TTC29: variants seen among roughly 807,000 people sequenced by gnomAD.
The protein encoded by TTC29 is tetratricopeptide repeat domain 29.
A neutral mutation model predicts 58.1 loss-of-function variants in TTC29; 49 were observed. That is an observed-to-expected ratio of 0.84 (90% CI 0.67 to 1.07). TTC29 has a LOEUF of 1.07. Ranked by LOEUF, TTC29 falls within the 50% of genes least tolerant of loss-of-function variation. The pLI is 0.00. For synonymous variants in TTC29, 209 were observed against 196.8 expected (o/e 1.06, Z -0.52); for missense variants, 582 against 555.6 (o/e 1.05, Z -0.48).
At chr4:146,716,601 G>GTA (rs1017266891) in intron 11 of TTC29, among the ~76,000 whole-genome samples, 3 of 152,018 alleles carry the variant, frequency 2.0e-5, no homozygotes, top group African/African-American at 7.2e-5. Context: ...GAAAATGAAT[G>GTA]TTTTCGTAAA....
intron 6 of TTC29, among the ~76,000 whole-genome samples, chr4:146,901,158 C>G (rs564931503): frequency 6.6e-6 from 1 of 152,076 alleles, no homozygotes; most frequent in Non-Finnish European, 1.5e-5. Flanking sequence ...GAACTTAACC[C>G]TTTTGTACAG....
intron 6 of TTC29, among the ~76,000 whole-genome samples, chr4:146,879,100 G>C (rs951267154): frequency 1.3e-5 from 2 of 152,052 alleles, no homozygotes; most frequent in Non-Finnish European, 2.9e-5. Flanking sequence ...AAAGTATTTG[G>C]TGGCAGTAAA....
intron 8 of TTC29, among the ~76,000 whole-genome samples, chr4:146,855,259 C>A (rs1448887538): frequency 6.6e-6 from 1 of 152,088 alleles, no homozygotes; most frequent in African/African-American, 2.4e-5. Context: ...ATGGCAAAAC[C>A]CCATCTCTAC....
chr4:146,752,006 C>T (rs1209061993), intron 11 of TTC29, among the ~76,000 whole-genome samples: 1 of 151,948 alleles, frequency 6.6e-6, no homozygotes, highest in Non-Finnish European at 1.5e-5. Flanking sequence ...AAAACTGGCA[C>T]AAGACAGGGA....
At chr4:146,777,043 T>C (rs1579647874) in intron 11 of TTC29, among the ~76,000 whole-genome samples, 1 of 152,128 alleles carries the variant, frequency 6.6e-6, no homozygotes, top group South Asian at 2.1e-4. Context: ...GTTACCAGTG[T>C]CTTTGCCATG....
intron 8 of TTC29, among the ~76,000 whole-genome samples, chr4:146,837,164 T>C (rs1728565366): frequency 6.6e-6 from 1 of 152,012 alleles, no homozygotes; most frequent in South Asian, 2.1e-4. Flanking sequence ...TATGCAGCCA[T>C]AAGAAAGAAT....
chr4:146,807,897 G>A (rs1389960645), intron 10 of TTC29, among the ~76,000 whole-genome samples: 1 of 152,096 alleles, frequency 6.6e-6, no homozygotes, highest in African/African-American at 2.4e-5. Context: ...TATGAGGCCG[G>A]CATCATCCTG....
chr4:146,897,628 G>T (rs11100934), intron 6 of TTC29, among the ~76,000 whole-genome samples: 16,828 of 152,152 alleles, frequency 0.11, 1,018 homozygotes, highest in East Asian at 0.18. Context: ...TTGCTATTGC[G>T]TCTGGCTCCT....
intron 11 of TTC29, among the ~76,000 whole-genome samples, chr4:146,724,667 C>T (rs1349455207): frequency 6.6e-6 from 1 of 152,046 alleles, no homozygotes; most frequent in African/African-American, 2.4e-5. Context: ...GTGCCCACCA[C>T]CACGCCTGGC....
In TTC29 at chr4:146,844,445, AT is replaced by A. The variant is rs984018622; in HGVS notation, c.886-10549del. 1.9e-3 allele frequency among the ~76,000 whole-genome samples: 292 copies of A among 152,212 alleles called. 3 individuals carry two copies. Among genetic ancestry groups the A allele is most frequent in the African/African-American group, 6.0e-3 (249 of 41,562 alleles). On this transcript the variant is annotated intron_variant, in intron 8 of 12. Coordinates refer to ENST00000325106, the MANE Select transcript of TTC29 (RefSeq NM_031956.4). ...TCGTTACTGTACTATAAATAAAAAAATGTGGAATATTTATCCTGTACAGTCC... is the reference window on the plus strand; with the variant it reads ...TCGTTACTGTACTATAAATAAAAAAAGTGGAATATTTATCCTGTACAGTCC...
At chr4:146,712,722 G>A (rs1346045047) in intron 11 of TTC29, among the ~76,000 whole-genome samples, 1 of 152,012 alleles carries the variant, frequency 6.6e-6, no homozygotes, top group Non-Finnish European at 1.5e-5. Context: ...AAGAGATGAG[G>A]GCAGGGCTAA....
intron 8 of TTC29, among the ~76,000 whole-genome samples, chr4:146,835,640 C>T (rs1728460473): frequency 6.6e-6 from 1 of 152,132 alleles, no homozygotes; most frequent in Middle Eastern, 3.4e-3. Context: ...ATTTACAGTT[C>T]AGTGCTCCAG....
At chr4:146,778,724 G>A (rs1748307351) in intron 11 of TTC29, among the ~76,000 whole-genome samples, 2 of 152,030 alleles carry the variant, frequency 1.3e-5, no homozygotes, top group Non-Finnish European at 2.9e-5. Context: ...TTGAAATCCT[G>A]TTGTGAAAAT....
rs1292241537 is a variant in TTC29, at chr4:146,873,254, C to T, written c.799+1462G>A. Among the ~76,000 whole-genome samples, 3 of 152,148 alleles carry T rather than the reference C, an allele frequency of 2.0e-5. No homozygotes were observed. In the East Asian group the frequency reaches 5.8e-4, roughly 29 times the overall value. On this transcript the variant is annotated intron_variant, in intron 7 of 12. Transcript: ENST00000325106. ...AGTAGGAGACAAGAGTAAAGGGATG[C>T]TTTGTCCCAGAATATTTACCCTCTT...
At position 146,820,146 on chromosome 4, in the gene TTC29, A is replaced by T. The variant is rs750011253; in HGVS notation, c.1080T>A (p.Leu360=). ...TCACTTTTTCATTGTAGATGTCCCCAAGCATTGTACTTGCTCTCACCAAAT... is the reference window on the plus strand; with the variant it reads ...TCACTTTTTCATTGTAGATGTCCCCTAGCATTGTACTTGCTCTCACCAAAT... ...SLDLVRASTM[L]GDIYNEKGYY... The change falls in exon 10 of 13, where the codon CTT becomes CTA. Residue 360 remains leucine (L), a synonymous_variant. Transcript: ENST00000325106. 6.2e-7 allele frequency: 1 copy of T among 1,613,202 alleles called. No individual in the cohort carries two copies. Among genetic ancestry groups the T allele is most frequent in the Admixed American group, 1.7e-5 (1 of 59,982 alleles).
intron 11 of TTC29, among the ~76,000 whole-genome samples, chr4:146,717,828 T>C (rs778071986): frequency 6.6e-6 from 1 of 152,136 alleles, no homozygotes; most frequent in Non-Finnish European, 1.5e-5. Context: ...ATGTGCAATA[T>C]ATCTTAAAGA....
chr4:146,833,994 T>C (rs1728344791), intron 8 of TTC29, 97 bp from the exon 9 acceptor site: 1 of 764,758 alleles, frequency 1.3e-6, no homozygotes, highest in South Asian at 2.3e-5. Flanking sequence ...TAGTTGGTTT[T>C]AATGTCTCTA....
rs201970486 is a variant in TTC29, at chr4:146,737,833, C to CT, written c.1331-30283dup. On this transcript the variant is annotated intron_variant, in intron 11 of 12. Transcript: ENST00000325106. ...TTCTTTTCCAAATCATCTAAAAAAT[C>CT]TTTTTTTTCCCTCCCCCCTGATGCA... Among the ~76,000 whole-genome samples the CT allele has an allele frequency of 3.3e-5, 5 of 152,056 alleles. No homozygotes were observed. In the East Asian group the frequency reaches 9.7e-4, roughly 29 times the overall value.
intron 10 of TTC29, among the ~76,000 whole-genome samples, chr4:146,815,053 G>A (rs1009405930): frequency 2.0e-5 from 3 of 152,162 alleles, no homozygotes; most frequent in Non-Finnish European, 4.4e-5. Context: ...TTATGTTTAT[G>A]TTCTCAGAAG....
Sources: gnomAD v4.1 joint callset for allele counts (sites outside exome capture counted in the v4.1 genomes callset) on GRCh38, gnomAD v4.1.1 for gene constraint, MANE v1.5 for transcripts, NCBI Gene and HGNC (gene_info 2026-07-23, HGNC 2026-07-21) for gene names.